The following NUCKS1 variants were observed in gnomAD, a reference collection of about 807,000 sequenced individuals.
The protein encoded by NUCKS1 is nuclear ubiquitous casein and cyclin-dependent kinase substrate 1.
In NUCKS1, 2 loss-of-function variants were observed where a neutral mutation model predicts 33.0. The ratio of observed to expected loss-of-function variants is 0.06; its 90% CI spans 0.02 to 0.19. NUCKS1 has a LOEUF of 0.19. NUCKS1 is among the 10% of genes least tolerant of loss of function. The pLI is 1.00. For synonymous variants in NUCKS1, 106 were observed against 102.8 expected (o/e 1.03, Z -0.19); for missense variants, 201 against 293.6 (o/e 0.68, Z 2.31).
intron 1 of NUCKS1, among the ~76,000 whole-genome samples, chr1:205,739,993 T>C (rs1654125078): frequency 8.8e-6 from 1 of 114,280 alleles, no homozygotes; most frequent in Admixed American, 1.2e-4. Context: ...GCTATTTACT[T>C]TAGGTTTTTT....
In NUCKS1 at chr1:205,744,630, GTTTTTT is replaced by G. The variant is rs10672842; in HGVS notation, c.17+5321_17+5326del. 2.3e-4 allele frequency among the ~76,000 whole-genome samples: 20 copies of G among 87,786 alleles called. 1 individual carries two copies. The highest frequency in any genetic ancestry group is 2.1e-3 in the Admixed American group (13 of 6,052). 57.6% of individuals were successfully genotyped at this position (87,786 alleles called of 152,430 possible). Reference sequence around the variant, plus strand: ...TGTGAAAATTCCTAAGTTCACTAGAGTTTTTTTTTTTTTTTTTTTGAGACGGAGTTT... The same window carrying G: ...TGTGAAAATTCCTAAGTTCACTAGAGTTTTTTTTTTTTTGAGACGGAGTTT... On this transcript the variant is annotated intron_variant, in intron 1 of 6. Transcript: ENST00000367142.
chr1:205,718,108 A>T lies in NUCKS1; in HGVS notation c.*172T>A. 6 of 1,213,274 alleles carry T rather than the reference A, an allele frequency of 4.9e-6. No individual in the cohort carries two copies. The highest frequency in any genetic ancestry group is 3.6e-5 in the East Asian group (1 of 27,996). The allele number at this position is 1,213,274 out of a possible 1,614,324, so 75.2% of individuals were successfully genotyped here. A position where few individuals can be genotyped will look rare whatever the true frequency, so the allele number is the denominator to read the frequency against. On this transcript the variant is annotated 3_prime_UTR_variant, in exon 7 of 7. Coordinates refer to ENST00000367142, the MANE Select transcript of NUCKS1 (RefSeq NM_022731.5). ...TTTAAAAAAAAAAAAAAAAAAAGAG[A>T]GAGAGAGAGAAATGTTACTTTCAAC...
In NUCKS1 at chr1:205,732,779, C is replaced by CAAAAAAAAAA. The variant is rs59760552; in HGVS notation, c.18-3168_18-3159dup. Among the ~76,000 whole-genome samples the CAAAAAAAAAA allele has an allele frequency of 8.5e-4, 63 of 73,992 alleles. 4 individuals are homozygous for CAAAAAAAAAA. The highest frequency in any genetic ancestry group is 2.5e-3 in the African/African-American group (46 of 18,278). The allele number at this position is 73,992 out of a possible 152,430, so 48.5% of individuals were successfully genotyped here. ...CTGGCAACAGAGCAAGACTCTGTCT[C>CAAAAAAAAAA]AAAAAAAAAAAAAAAAGTTAAGATG... is the stretch of plus-strand genomic sequence containing the variant. On this transcript the variant is annotated intron_variant, in intron 1 of 6. Transcript: ENST00000367142.
chr1:205,745,601 T>A (rs370999571), intron 1 of NUCKS1, among the ~76,000 whole-genome samples: 1 of 152,204 alleles, frequency 6.6e-6, no homozygotes, highest in Non-Finnish European at 1.5e-5. Flanking sequence ...AAAATCAATG[T>A]GTATGGAATG....
rs1323431767 is a variant in NUCKS1 at position 205,715,626 on chromosome 1, T to C, written c.*2654A>G. 6.6e-6 allele frequency: 1 copy of C among 152,264 alleles called. No homozygotes were observed. Among genetic ancestry groups the C allele is most frequent in the East Asian group, 1.9e-4 (1 of 5,206 alleles). The allele number at this position is 152,264 out of a possible 1,614,324, so 9.4% of individuals were successfully genotyped here. A position where few individuals can be genotyped will look rare whatever the true frequency, so the allele number is the denominator to read the frequency against. ...GGAAAAAAAATCTTAAGAACTAGAA[T>C]GTAGTGTCAGTCAGCATAGCTGCTG... On this transcript the variant is annotated 3_prime_UTR_variant, in exon 7 of 7. Transcript: ENST00000367142.
chr1:205,736,829 TA>T (rs148933667), intron 1 of NUCKS1, among the ~76,000 whole-genome samples: 2,862 of 127,728 alleles, frequency 0.022, 40 homozygotes, highest in African/African-American at 0.05. Flanking sequence ...AAACTCCTTC[TA>T]AAAAAAAAAA....
intron 1 of NUCKS1, among the ~76,000 whole-genome samples, chr1:205,734,149 G>C (rs1293500398): frequency 1.3e-5 from 2 of 152,070 alleles, no homozygotes; most frequent in Admixed American, 6.6e-5. Flanking sequence ...AAAATGCTGG[G>C]ATTACAGGTG....
intron 1 of NUCKS1, among the ~76,000 whole-genome samples, chr1:205,730,993 C>A (rs1449429606): frequency 6.6e-6 from 1 of 152,056 alleles, no homozygotes; most frequent in Non-Finnish European, 1.5e-5. Context: ...CTAAGCTTTT[C>A]AAGGCAAAAG....
intron 1 of NUCKS1, among the ~76,000 whole-genome samples, chr1:205,737,207 T>C (rs537321856): frequency 6.6e-6 from 1 of 152,344 alleles, no homozygotes; most frequent in South Asian, 2.1e-4. Context: ...TATTCTACTC[T>C]ATACTTCAAT....
rs1654460825 is a variant in NUCKS1, at chr1:205,749,948, C to T, written c.17+9G>A. ...CCAACCCGCTCCAGGCCTCAGACTCCGCACTGACCTGACAGGCCGCGACAT... is the reference window on the plus strand; with the variant it reads ...CCAACCCGCTCCAGGCCTCAGACTCTGCACTGACCTGACAGGCCGCGACAT... On this transcript the variant is annotated intron_variant, in intron 1 of 6. Coordinates refer to ENST00000367142, the MANE Select transcript of NUCKS1 (RefSeq NM_022731.5). The T allele has an allele frequency of 6.2e-7, 1 of 1,610,546 alleles. No individual in the cohort carries two copies. The highest frequency in any genetic ancestry group is 8.5e-7 in the Non-Finnish European group (1 of 1,178,168).
chr1:205,726,340 A>C (rs1173070612), intron 3 of NUCKS1, among the ~76,000 whole-genome samples: 1 of 152,248 alleles, frequency 6.6e-6, no homozygotes, highest in South Asian at 2.1e-4. Flanking sequence ...ACATGGCGAG[A>C]GCCCATCTCT....
rs1213331428 is a variant in NUCKS1, at chr1:205,717,537, A to G, written c.*743T>C. 5 of 984,976 alleles carry G rather than the reference A, an allele frequency of 5.1e-6. No homozygotes were observed. The highest frequency in any genetic ancestry group is 4.7e-5 in the South Asian group (1 of 21,264). The allele number at this position is 984,976 out of a possible 1,614,324, so 61.0% of individuals were successfully genotyped here. On this transcript the variant is annotated 3_prime_UTR_variant, in exon 7 of 7. Transcript: ENST00000367142. Reference sequence around the variant, plus strand: ...AGCTCCCTAAAGACTGTAGCAGGATAAAAGGATCACTGGCTCCGAGTCTCT... The same window carrying G: ...AGCTCCCTAAAGACTGTAGCAGGATGAAAGGATCACTGGCTCCGAGTCTCT...
intron 1 of NUCKS1, among the ~76,000 whole-genome samples, chr1:205,737,344 C>T (rs2102443187): frequency 6.6e-6 from 1 of 152,286 alleles, no homozygotes; most frequent in African/African-American, 2.4e-5. Flanking sequence ...CCTGCCATTT[C>T]AGCATATTAT....
In NUCKS1 at chr1:205,741,825, T is replaced by C. The variant is rs578081311; in HGVS notation, c.17+8132A>G. ...AGAAGTTAGGGTAGATGCAGAGTTT[T>C]GTGTTTAACAACCCCTTATCCAAAG... is the stretch of plus-strand genomic sequence containing the variant. On this transcript the variant is annotated intron_variant, in intron 1 of 6. Coordinates refer to ENST00000367142, the MANE Select transcript of NUCKS1 (RefSeq NM_022731.5). Among the ~76,000 whole-genome samples, 22 of 152,314 alleles carry C rather than the reference T, an allele frequency of 1.4e-4. No homozygotes were observed. In the East Asian group the frequency reaches 3.1e-3, roughly 21 times the overall value.
In NUCKS1 at chr1:205,719,470, T is replaced by C. The variant is rs1671883972; in HGVS notation, c.532+57A>G. 5.9e-6 allele frequency: 9 copies of C among 1,529,718 alleles called. No homozygotes were observed. In the Admixed American group the frequency reaches 1.2e-4, roughly 21 times the overall value. 94.8% of individuals were successfully genotyped at this position (1,529,718 alleles called of 1,614,324 possible). A position where few individuals can be genotyped will look rare whatever the true frequency, so the allele number is the denominator to read the frequency against. On this transcript the variant is annotated intron_variant, in intron 6 of 6. Coordinates refer to ENST00000367142, the MANE Select transcript of NUCKS1 (RefSeq NM_022731.5). ...TAATGAGGAATTTCTGTATTGAAAATAATGATTCTCAAAATTTTTAAAGCA... is the reference window on the plus strand; with the variant it reads ...TAATGAGGAATTTCTGTATTGAAAACAATGATTCTCAAAATTTTTAAAGCA...
At chr1:205,732,266 A>T (rs1653933674) in intron 1 of NUCKS1, among the ~76,000 whole-genome samples, 1 of 152,212 alleles carries the variant, frequency 6.6e-6, no homozygotes, top group South Asian at 2.1e-4. Context: ...AAGATACTAT[A>T]TTATTAGGAA....
chr1:205,727,668 G>GTC (rs1431545496), intron 3 of NUCKS1, 32 bp downstream of exon 3: 1 of 1,399,450 alleles, frequency 7.1e-7, no homozygotes, highest in Non-Finnish European at 1.0e-6. Flanking sequence ...TGGTAACAGT[G>GTC]TAAGCAGGAA....
At chr1:205,723,881 T>C (rs781317979) in intron 4 of NUCKS1, 45 bp downstream of exon 4, 7 of 1,311,694 alleles carry the variant, frequency 5.3e-6, no homozygotes, top group African/African-American at 4.4e-5. Flanking sequence ...AATAAAATAA[T>C]ATACAAATAT....
Position 205,718,227 on chromosome 1 carries a change from C to CA in NUCKS1, c.*52_*53insT. On this transcript the variant is annotated 3_prime_UTR_variant, in exon 7 of 7. Coordinates refer to ENST00000367142, the MANE Select transcript of NUCKS1 (RefSeq NM_022731.5). ...TTCTTTTTTTTCCTCCCTCTTTTTT[C>CA]TTTTTTTTTCTTTTTTTTTTTAATA... The CA allele has an allele frequency of 1.2e-6, 1 of 861,744 alleles. No individual in the cohort carries two copies. Among genetic ancestry groups the CA allele is most frequent in the Admixed American group, 4.1e-5 (1 of 24,438 alleles). 53.4% of individuals were successfully genotyped at this position (861,744 alleles called of 1,614,324 possible). A position where few individuals can be genotyped will look rare whatever the true frequency, so the allele number is the denominator to read the frequency against.
Sources: allele counts gnomAD v4.1 joint callset (sites outside exome capture counted in the v4.1 genomes callset), GRCh38; gene constraint gnomAD v4.1.1; transcripts MANE v1.5; gene names NCBI Gene and HGNC (gene_info 2026-07-23, HGNC 2026-07-21).